Variants in COL6A6 observed in about 807,000 individuals in gnomAD.
COL6A6 encodes the protein collagen alpha-6(VI) chain.
In COL6A6, 183 loss-of-function variants were observed where a neutral mutation model predicts 208.6. The ratio of observed to expected loss-of-function variants is 0.88; its 90% CI spans 0.78 to 0.99. The LOEUF is 0.99. COL6A6 is among the 50% of genes least tolerant of loss of function. The probability of loss-of-function intolerance (pLI) is 0.00; values close to 1 mark genes in which losing one functional copy is unlikely to be tolerated. For missense variants in COL6A6, 2,816 were observed against 2,815.2 expected, an observed-to-expected ratio of 1.00 and a Z score of -0.01; for synonymous variants, 973 against 1,011.8, an observed-to-expected ratio of 0.96 and a Z score of 0.73.
At chr3:130,624,832 C>A (rs2064836507) in intron 24 of COL6A6, among the ~76,000 whole-genome samples, 1 of 152,134 alleles carries the variant, frequency 6.6e-6, no homozygotes, top group Non-Finnish European at 1.5e-5. Flanking sequence ...ACTCTAGACT[C>A]ATGATTCACT....
chr3:130,545,725 G>A (rs1032995005), intron 1 of COL6A6, among the ~76,000 whole-genome samples: 1 of 152,180 alleles, frequency 6.6e-6, no homozygotes, highest in Non-Finnish European at 1.5e-5. Flanking sequence ...CCAAAGTGCT[G>A]GGATTACAGG....
At position 130,658,756 on chromosome 3, in the gene COL6A6, G is replaced by A; in HGVS notation, c.5814G>A (p.Arg1938=). The A allele has an allele frequency of 6.2e-7, 1 of 1,611,920 alleles. No individual in the cohort carries two copies. The highest frequency in any genetic ancestry group is 8.5e-7 in the Non-Finnish European group (1 of 1,178,834). Residue 1938 remains arginine, a synonymous_variant, in exon 34 of 37, where the codon CGG becomes CGA. Coordinates refer to ENST00000358511, the MANE Select transcript of COL6A6 (RefSeq NM_001102608.3). Reference sequence around the variant, plus strand: ...TACCAGCATTAGAGAGACTCCAGCGGTGCACTTTCTGCTATGGTAAGACCC... The same window carrying A: ...TACCAGCATTAGAGAGACTCCAGCGATGCACTTTCTGCTATGGTAAGACCC... The part of the protein sequence containing the change: ...DYIPALERLQ[R]CTFCYDVCKP...
chr3:130,592,832 CT>C, intron 15 of COL6A6, 110 bp downstream of exon 15: 1 of 1,098,104 alleles, frequency 9.1e-7, no homozygotes, highest in Non-Finnish European at 1.3e-6. Flanking sequence ...ATTGACTTTC[CT>C]TTTTTATTGC....
chr3:130,635,690 T>C lies in COL6A6; in HGVS notation c.5029-9T>C, dbSNP rs2065092201. 6.3e-7 allele frequency: 1 copy of C among 1,586,376 alleles called. No homozygotes were observed. Among genetic ancestry groups the C allele is most frequent in the Non-Finnish European group, 8.6e-7 (1 of 1,157,708 alleles). On this transcript the variant is annotated splice_polypyrimidine_tract_variant and intron_variant, in intron 27 of 36. Coordinates refer to ENST00000358511, the MANE Select transcript of COL6A6 (RefSeq NM_001102608.3). ...TTAATAACTATTTTACTTTAATAAA[T>C]GTATTTAGGGTGAGATTGGGGACCC...
chr3:130,555,079 G>T (rs970096819), intron 1 of COL6A6, among the ~76,000 whole-genome samples: 3 of 152,176 alleles, frequency 2.0e-5, no homozygotes, highest in Non-Finnish European at 4.4e-5. Flanking sequence ...AAGGCAGGGT[G>T]AGCTTTAGGG....
intron 33 of COL6A6, 55 bp downstream of exon 33, chr3:130,649,617 G>A (rs918249901): frequency 2.0e-6 from 3 of 1,479,990 alleles, no homozygotes; most frequent in South Asian, 1.4e-5. Context: ...CCTGTATTCA[G>A]AAGCCCCTAT....
chr3:130,580,372 A>C (rs2063391452), intron 8 of COL6A6, among the ~76,000 whole-genome samples: 1 of 152,232 alleles, frequency 6.6e-6, no homozygotes, highest in Non-Finnish European at 1.5e-5. Flanking sequence ...TTTACCTTGA[A>C]TCTCATGATG....
chr3:130,554,156 A>G (rs1245756784), intron 1 of COL6A6, among the ~76,000 whole-genome samples: 2 of 152,238 alleles, frequency 1.3e-5, no homozygotes, highest in Non-Finnish European at 2.9e-5. Flanking sequence ...GGATGGTGGC[A>G]GCAAGCTCTG....
intron 23 of COL6A6, among the ~76,000 whole-genome samples, chr3:130,611,340 AG>A (rs1395619880): frequency 6.6e-6 from 1 of 152,230 alleles, no homozygotes. Context: ...CTGCACTTCT[AG>A]GGCATTCCCA....
chr3:130,582,225 C>T (rs1040618689), intron 10 of COL6A6, among the ~76,000 whole-genome samples, 157 bp downstream of exon 10: 4 of 152,192 alleles, frequency 2.6e-5, no homozygotes, highest in African/African-American at 9.7e-5. Context: ...AATGAGCTCT[C>T]AGAATATTTT....
intron 2 of COL6A6, among the ~76,000 whole-genome samples, chr3:130,561,998 G>A (rs1266428567): frequency 2.0e-5 from 3 of 152,198 alleles, no homozygotes; most frequent in Admixed American, 2.0e-4. Context: ...CAAGTGTATT[G>A]AATGTCTTGA....
intron 12 of COL6A6, among the ~76,000 whole-genome samples, chr3:130,590,272 TATATATATATATATATATATATA>T (rs2063646997): frequency 1.1e-4 from 2 of 18,856 alleles, no homozygotes; most frequent in Non-Finnish European, 2.4e-4. Flanking sequence ...TATATATATA[TATATATATATATATATATATATA>T]TATATTTTTT....
chr3:130,559,722 C>T (rs1181385308), intron 1 of COL6A6, among the ~76,000 whole-genome samples: 1 of 152,132 alleles, frequency 6.6e-6, no homozygotes, highest in African/African-American at 2.4e-5. Flanking sequence ...GATTGGAAAA[C>T]CCTTGCCTCA....
chr3:130,563,025 T>A, intron 2 of COL6A6, 43 bp from the exon 3 acceptor site: 1 of 1,450,204 alleles, frequency 6.9e-7, no homozygotes, highest in Non-Finnish European at 9.4e-7. Flanking sequence ...GGCAGTAAAT[T>A]TTTTAAAGTT....
chr3:130,603,835 T>C (rs2108162286), intron 20 of COL6A6, among the ~76,000 whole-genome samples: 1 of 152,226 alleles, frequency 6.6e-6, no homozygotes, highest in East Asian at 1.9e-4. Context: ...TAATTCTCCA[T>C]CCTGATGGTT....
chr3:130,592,754 C>T lies in COL6A6; in HGVS notation c.4371+32C>T, dbSNP rs77477291. 2,933 of 1,542,326 alleles carry T rather than the reference C, an allele frequency of 1.9e-3. 56 individuals are homozygous for T. The African/African-American group carries it at 0.035, about 18-fold the overall frequency. ...TACCAGGCACATCCATTTACCTACC[C>T]ATATGTTATCTAGAAATATTTTTAT... On this transcript the variant is annotated intron_variant, in intron 15 of 36. Coordinates refer to ENST00000358511, the MANE Select transcript of COL6A6 (RefSeq NM_001102608.3).
chr3:130,634,210 A>AAAATAAAT (rs1182265813), intron 26 of COL6A6, among the ~76,000 whole-genome samples: 27 of 50,294 alleles, frequency 5.4e-4, no homozygotes, highest in East Asian at 1.0e-3. Context: ...GTTAAAAAAA[A>AAAATAAAT]AAATAAATAA....
chr3:130,563,760 A>C (rs959856044), intron 3 of COL6A6, 96 bp downstream of exon 3: 30 of 808,420 alleles, frequency 3.7e-5, no homozygotes, highest in Non-Finnish European at 5.7e-5. Context: ...TCCTATCCCC[A>C]AAATGGGCTG....
chr3:130,628,853 AAAC>A (rs2064974842), intron 26 of COL6A6, among the ~76,000 whole-genome samples: 1 of 116,508 alleles, frequency 8.6e-6, no homozygotes, highest in South Asian at 2.6e-4. Context: ...GTTAGAAGGA[AAAC>A]TAACAACCAG....
Sources: gnomAD v4.1 joint callset for allele counts (sites outside exome capture counted in the v4.1 genomes callset) on GRCh38, gnomAD v4.1.1 for gene constraint, MANE v1.5 for transcripts, NCBI Gene and HGNC (gene_info 2026-07-23, HGNC 2026-07-21) for gene names.